Variants in ZFR2 observed in about 807,000 individuals in gnomAD.
ZFR2 encodes the protein zinc finger RNA binding protein 2, also known as zinc finger RNA-binding protein 2.
In ZFR2, 104 loss-of-function variants were observed where a neutral mutation model predicts 105.7. The ratio of observed to expected loss-of-function variants is 0.98; its 90% CI spans 0.84 to 1.16. ZFR2 has a LOEUF of 1.16. Among genes scored for constraint, ZFR2 ranks in the 50% most tolerant of loss-of-function variants. ZFR2 has a pLI of 0.00. For missense variants in ZFR2, 1,425 were observed against 1,355.5 expected, an observed-to-expected ratio of 1.05 and a Z score of -0.80; for synonymous variants, 634 against 597.7, an observed-to-expected ratio of 1.06 and a Z score of -0.89.
At chr19:3,808,821 G>T (rs1459642729) in intron 17 of ZFR2, 51 bp downstream of exon 17, 7 of 1,452,846 alleles carry the variant, frequency 4.8e-6, no homozygotes, top group Non-Finnish European at 4.6e-6. Flanking sequence ...ACGGGCCCTG[G>T]TCTCTGCGAT....
chr19:3,822,572 TG>T (rs2037907605), intron 8 of ZFR2, among the ~76,000 whole-genome samples: 1 of 151,834 alleles, frequency 6.6e-6, no homozygotes, highest in African/African-American at 2.4e-5. Context: ...AAAAATTAGC[TG>T]GGAGTGGTGG....
chr19:3,826,521 C>T (rs967094308), intron 6 of ZFR2, among the ~76,000 whole-genome samples: 1 of 151,902 alleles, frequency 6.6e-6, no homozygotes, highest in East Asian at 1.9e-4. Flanking sequence ...CTGCAACCTC[C>T]ACCTACCGGG....
At chr19:3,820,049 C>A in intron 11 of ZFR2, 133 bp downstream of exon 11, 1 of 841,948 alleles carries the variant, frequency 1.2e-6, no homozygotes, top group Non-Finnish European at 1.9e-6. Flanking sequence ...AGTGAGGAGG[C>A]CTGGGCCATG....
At position 3,822,133 on chromosome 19, in the gene ZFR2, A is replaced by G. The variant is rs1205051202; in HGVS notation, c.1439T>C (p.Leu480Pro). The change falls in exon 9 of 19, where the codon CTT becomes CCT. Residue 480 changes from leucine (L) to proline (P), a missense_variant. Coordinates refer to ENST00000262961, the MANE Select transcript of ZFR2 (RefSeq NM_015174.2). ...CKLCECSFND[L>P]NAKDLHVRGR... is the part of the protein sequence containing the mutation. ...CCTCACGTGCAGGTCCTTCGCGTTA[A>G]GGTCGTTGAAACTGCACTCGCACAG... The G allele has an allele frequency of 6.2e-7, 1 of 1,610,578 alleles. No homozygotes were observed. The highest frequency in any genetic ancestry group is 2.2e-5 in the East Asian group (1 of 44,732).
chr19:3,861,562 G>C (rs1169138277), intron 1 of ZFR2, among the ~76,000 whole-genome samples: 1 of 152,102 alleles, frequency 6.6e-6, no homozygotes, highest in East Asian at 1.9e-4. Context: ...GGAGGTTGAG[G>C]CTGCATTAAG....
chr19:3,815,372 G>A (rs560930860), intron 13 of ZFR2, among the ~76,000 whole-genome samples: 3 of 152,322 alleles, frequency 2.0e-5, no homozygotes, highest in Admixed American at 6.5e-5. Context: ...TTACAGGCAT[G>A]AGCCACCACG....
At chr19:3,846,390 A>AT (rs1243506422) in intron 1 of ZFR2, among the ~76,000 whole-genome samples, 1 of 152,238 alleles carries the variant, frequency 6.6e-6, no homozygotes, top group Non-Finnish European at 1.5e-5. Context: ...GCCGACTCGA[A>AT]AAGCCACAGC....
chr19:3,845,705 G>C (rs2038178735), intron 1 of ZFR2, among the ~76,000 whole-genome samples: 1 of 152,014 alleles, frequency 6.6e-6, no homozygotes, highest in African/African-American at 2.4e-5. Context: ...TGAGGAAGGA[G>C]GGTCACTGGA....
At chr19:3,837,315 GGACACTTGATGGACACCATGACACA>G (rs928134964) in intron 1 of ZFR2, among the ~76,000 whole-genome samples, 4 of 152,076 alleles carry the variant, frequency 2.6e-5, no homozygotes, top group African/African-American at 9.7e-5. Context: ...CCATGACTGT[GGACACTTGATGGACACCATGACACA>G]GACACCCGAT....
chr19:3,822,209 C>T lies in ZFR2; in HGVS notation c.1372-9G>A. On this transcript the variant is annotated splice_polypyrimidine_tract_variant and intron_variant, in intron 8 of 18. Transcript: ENST00000262961. ...CCTTCGTCGCTGAACACCTGAGACA[C>T]AGAACAGCCGCACGCGCACCAGGCA... 6.3e-7 allele frequency: 1 copy of T among 1,578,654 alleles called. No homozygotes were observed. The highest frequency in any genetic ancestry group is 8.6e-7 in the Non-Finnish European group (1 of 1,162,790).
Position 3,823,489 on chromosome 19 carries a change from G to GCTCT in ZFR2, c.1214-87_1214-86insAGAG. ...CCCGCCAGGCGGCATGGGGTGGAGA[G>GCTCT]CCACCCAGACTGCAGGCTGTGCCAT... On this transcript the variant is annotated intron_variant, in intron 7 of 18. Coordinates refer to ENST00000262961, the MANE Select transcript of ZFR2 (RefSeq NM_015174.2). This position sits in a 1 kb window ranked among gnomAD's most constrained non-coding sequence, Gnocchi z 5.4. The GCTCT allele has an allele frequency of 3.6e-6, 5 of 1,382,818 alleles. No homozygotes were observed. The highest frequency in any genetic ancestry group is 2.4e-5 in the East Asian group (1 of 42,504). The allele number at this position is 1,382,818 out of a possible 1,614,324, so 85.7% of individuals were successfully genotyped here.
rs1257762774 is a variant in ZFR2 at position 3,810,743 on chromosome 19, G to A, written c.2433+7C>T. 1 of 1,548,748 alleles carries A rather than the reference G, an allele frequency of 6.5e-7. No individual in the cohort carries two copies. Among genetic ancestry groups the A allele is most frequent in the South Asian group, 1.2e-5 (1 of 83,870 alleles). ...GTGGAGGGCCGGGCCGCCAGGCACT[G>A]CCTTACCCAGGCTGGCAGGGCCCCC... On this transcript the variant is annotated splice_region_variant and intron_variant, in intron 16 of 18. Coordinates refer to ENST00000262961, the MANE Select transcript of ZFR2 (RefSeq NM_015174.2).
intron 1 of ZFR2, among the ~76,000 whole-genome samples, chr19:3,860,310 A>G (rs1360088725): frequency 5.3e-5 from 8 of 151,150 alleles, no homozygotes. Flanking sequence ...AAGTGCTGGG[A>G]TAACAGGCGT....
At chr19:3,851,300 G>A (rs1469376902) in intron 1 of ZFR2, among the ~76,000 whole-genome samples, 1 of 152,140 alleles carries the variant, frequency 6.6e-6, no homozygotes, top group Non-Finnish European at 1.5e-5. Flanking sequence ...CAGCAGTGTA[G>A]GGCTTTACAA....
chr19:3,825,480 G>A, intron 6 of ZFR2, 73 bp from the exon 7 acceptor site: 1 of 1,501,902 alleles, frequency 6.7e-7, no homozygotes, highest in Non-Finnish European at 8.9e-7. Flanking sequence ...GAGGCAGGAA[G>A]GGCCTCCACG....
chr19:3,814,690 T>A (rs1370367730), intron 13 of ZFR2, among the ~76,000 whole-genome samples: 1 of 152,226 alleles, frequency 6.6e-6, no homozygotes, highest in Non-Finnish European at 1.5e-5. Context: ...AGGGGCTGTA[T>A]CTATCATGTT....
rs529226120 is a variant in ZFR2 at position 3,807,871 on chromosome 19, CTGTGTGTGTGCA to C, written c.2546-614_2546-603del. Among the ~76,000 whole-genome samples, 4 of 133,702 alleles carry C rather than the reference CTGTGTGTGTGCA, an allele frequency of 3.0e-5. No homozygotes were observed. In the South Asian group the frequency reaches 9.9e-4, roughly 33 times the overall value. 87.7% of individuals were successfully genotyped at this position (133,702 alleles called of 152,430 possible). A position where few individuals can be genotyped will look rare whatever the true frequency, so the allele number is the denominator to read the frequency against. The stretch of plus-strand genomic sequence containing the variant: ...TGCCCGTGTGTGTGCATGCATGTGC[CTGTGTGTGTGCA>C]TGTGTGCCCGTGTGCACTCATGTAT... On this transcript the variant is annotated intron_variant, in intron 17 of 18. Transcript: ENST00000262961.
intron 3 of ZFR2, 23 bp downstream of exon 3, chr19:3,833,641 C>A (rs2038044360): frequency 2.6e-6 from 4 of 1,535,740 alleles, no homozygotes; most frequent in Non-Finnish European, 3.5e-6. Context: ...TCGTTCCCAG[C>A]CCCGACCCTG....
At chr19:3,832,329 T>TA (rs199808882) in intron 3 of ZFR2, among the ~76,000 whole-genome samples, 7 of 142,550 alleles carry the variant, frequency 4.9e-5, no homozygotes, top group South Asian at 4.4e-4. Flanking sequence ...TTATTATTAT[T>TA]TTTTTTTTTT....
Sources: gnomAD v4.1 joint callset for allele counts (sites outside exome capture counted in the v4.1 genomes callset) on GRCh38, gnomAD v4.1.1 for gene constraint, Gnocchi (gnomAD v3.1) non-coding constraint, MANE v1.5 for transcripts, NCBI Gene and HGNC (gene_info 2026-07-23, HGNC 2026-07-21) for gene names.